CCDC126: variants seen among roughly 807,000 people sequenced by gnomAD.
The protein encoded by CCDC126 is coiled-coil domain-containing protein 126.
CCDC126 carries 5 observed loss-of-function variants against 11.7 expected under a neutral mutation model. The observed-to-expected ratio is 0.43, with a 90% confidence interval of 0.22 to 0.90. The LOEUF is 0.90. Among genes scored for constraint, CCDC126 ranks in the 40% least tolerant of loss-of-function variants. The probability of loss-of-function intolerance (pLI) is 0.27; values close to 1 mark genes in which losing one functional copy is unlikely to be tolerated. For missense variants in CCDC126, 150 were observed against 163.1 expected, an observed-to-expected ratio of 0.92 and a Z score of 0.44; for synonymous variants, 60 against 61.9, an observed-to-expected ratio of 0.97 and a Z score of 0.14.
intron 3 of CCDC126, among the ~76,000 whole-genome samples, chr7:23,639,073 C>G (rs1783304874): frequency 2.0e-5 from 3 of 151,666 alleles, no homozygotes; most frequent in African/African-American, 4.8e-5. Context: ...AATAAATGTC[C>G]CCTCTCCCAA....
intron 2 of CCDC126, among the ~76,000 whole-genome samples, chr7:23,600,042 C>G (rs538694024): frequency 6.6e-6 from 1 of 152,316 alleles, no homozygotes; most frequent in East Asian, 1.9e-4. Flanking sequence ...TCTTCAGCCT[C>G]CCAAGGTGCT....
At chr7:23,627,314 A>G (rs1783032414) in intron 3 of CCDC126, among the ~76,000 whole-genome samples, 1 of 151,948 alleles carries the variant, frequency 6.6e-6, no homozygotes, top group African/African-American at 2.4e-5. Flanking sequence ...CCAGGAGTTG[A>G]GACCAACTTG....
chr7:23,612,305 C>G (rs1194016813), intron 3 of CCDC126, among the ~76,000 whole-genome samples: 1 of 150,128 alleles, frequency 6.7e-6, no homozygotes, highest in Non-Finnish European at 1.5e-5. Context: ...ACTAAAAATA[C>G]AAACAAAAAA....
chr7:23,610,698 C>A (rs889587200), intron 2 of CCDC126, among the ~76,000 whole-genome samples: 1 of 152,156 alleles, frequency 6.6e-6, no homozygotes, highest in African/African-American at 2.4e-5. Context: ...AATGTTGGCA[C>A]ACTCTGTTTA....
intron 2 of CCDC126, among the ~76,000 whole-genome samples, chr7:23,602,638 C>T (rs939010161): frequency 8.5e-5 from 13 of 152,326 alleles, no homozygotes; most frequent in Non-Finnish European, 8.8e-5. Context: ...TTGTTGACTG[C>T]TCCCGAGATT....
At chr7:23,638,872 A>C (rs889801952) in intron 3 of CCDC126, among the ~76,000 whole-genome samples, 52 of 147,160 alleles carry the variant, frequency 3.5e-4, no homozygotes, top group African/African-American at 1.2e-3. Context: ...ACAAAAAAAA[A>C]AAAAAAAAAA....
chr7:23,623,512 C>T (rs1782961244), intron 3 of CCDC126, among the ~76,000 whole-genome samples: 1 of 150,958 alleles, frequency 6.6e-6, no homozygotes, highest in Non-Finnish European at 1.5e-5. Flanking sequence ...AGGAGAGTCA[C>T]TTGAACCCAG....
At chr7:23,625,896 A>T (rs904618820) in intron 3 of CCDC126, among the ~76,000 whole-genome samples, 1 of 151,620 alleles carries the variant, frequency 6.6e-6, no homozygotes, top group Non-Finnish European at 1.5e-5. Context: ...TGACCTCGTG[A>T]TCCACCCGCC....
chr7:23,628,740 G>A (rs1194770635), intron 3 of CCDC126, among the ~76,000 whole-genome samples: 5 of 152,118 alleles, frequency 3.3e-5, no homozygotes, highest in Admixed American at 6.5e-5. Flanking sequence ...TGGCAGTAAC[G>A]AACTGTTCAT....
chr7:23,632,043 A>T (rs981017427), intron 3 of CCDC126, among the ~76,000 whole-genome samples: 1 of 152,172 alleles, frequency 6.6e-6, no homozygotes, highest in Non-Finnish European at 1.5e-5. Context: ...TTCTTAAGAA[A>T]ATATTAGCAA....
At chr7:23,634,586 C>A (rs901798784) in intron 3 of CCDC126, among the ~76,000 whole-genome samples, 1 of 152,172 alleles carries the variant, frequency 6.6e-6, no homozygotes, top group African/African-American at 2.4e-5. Context: ...ATTCCTTACC[C>A]TTTCTCTGTT....
At chr7:23,602,944 C>A (rs1194752369) in intron 2 of CCDC126, among the ~76,000 whole-genome samples, 4 of 152,150 alleles carry the variant, frequency 2.6e-5, no homozygotes, top group Non-Finnish European at 4.4e-5. Flanking sequence ...TGGTTCCTGG[C>A]ACATGGTAGG....
At chr7:23,617,193 C>G (rs1023810258) in intron 3 of CCDC126, among the ~76,000 whole-genome samples, 1 of 151,286 alleles carries the variant, frequency 6.6e-6, no homozygotes, top group Non-Finnish European at 1.5e-5. Context: ...ACTAAAAATA[C>G]GAAAATTATC....
chr7:23,633,023 G>A (rs574344509), intron 3 of CCDC126, among the ~76,000 whole-genome samples: 3 of 151,818 alleles, frequency 2.0e-5, no homozygotes, highest in Non-Finnish European at 1.5e-5. Flanking sequence ...ACGGAGTTTC[G>A]CTCTTGTTGC....
At chr7:23,602,830 A>G (rs1004122872) in intron 2 of CCDC126, among the ~76,000 whole-genome samples, 1 of 151,948 alleles carries the variant, frequency 6.6e-6, no homozygotes, top group African/African-American at 2.4e-5. Flanking sequence ...TCACAAACTG[A>G]GATAACTTGT....
intron 3 of CCDC126, among the ~76,000 whole-genome samples, chr7:23,617,366 AAAAAAAAAGAAAAGG>A (rs1562493071): frequency 6.6e-6 from 1 of 151,430 alleles, no homozygotes; most frequent in African/African-American, 2.4e-5. Context: ...AAAAAAAAAA[AAAAAAAAAGAAAAGG>A]AAAAAAAAAG....
chr7:23,604,810 C>G (rs1447662813), intron 2 of CCDC126, among the ~76,000 whole-genome samples: 1 of 151,892 alleles, frequency 6.6e-6, no homozygotes, highest in African/African-American at 2.4e-5. Flanking sequence ...TCCTGGCTAA[C>G]ATGGTGAAAC....
intron 3 of CCDC126, among the ~76,000 whole-genome samples, chr7:23,621,354 G>C (rs1362784554): frequency 6.6e-6 from 1 of 152,184 alleles, no homozygotes; most frequent in Admixed American, 6.6e-5. Flanking sequence ...GTGAATGGGA[G>C]TTCACTCATG....
chr7:23,609,947 G>C (rs1406445929), intron 2 of CCDC126, among the ~76,000 whole-genome samples: 1 of 152,170 alleles, frequency 6.6e-6, no homozygotes. Context: ...GAAATGCACT[G>C]TTCTGACTCG....
Sources: gnomAD v4.1 joint callset for allele counts (sites outside exome capture counted in the v4.1 genomes callset) on GRCh38, gnomAD v4.1.1 for gene constraint, MANE v1.5 for transcripts, NCBI Gene and HGNC (gene_info 2026-07-23, HGNC 2026-07-21) for gene names.